The following HSD17B12 variants were observed in gnomAD, a reference collection of about 807,000 sequenced individuals.
HSD17B12 encodes the protein hydroxysteroid 17-beta dehydrogenase 12.
HSD17B12 carries 32 observed loss-of-function variants against 39.3 expected under a neutral mutation model. The observed-to-expected ratio is 0.81, with a 90% confidence interval of 0.61 to 1.09. HSD17B12 has a LOEUF of 1.09. HSD17B12 is among the 50% of genes least tolerant of loss of function. The pLI, the probability that HSD17B12 is intolerant of heterozygous loss-of-function variation, is 0.00. For synonymous variants in HSD17B12, 150 were observed against 146.7 expected (o/e 1.02, Z -0.16); for missense variants, 342 against 382.9 (o/e 0.89, Z 0.89).
At chr11:43,780,217 G>A (rs893782809) in intron 3 of HSD17B12, among the ~76,000 whole-genome samples, 3 of 152,066 alleles carry the variant, frequency 2.0e-5, no homozygotes, top group African/African-American at 7.2e-5. Context: ...CCAGGCTAGA[G>A]TGCAATGGCG....
the HSD17B12 span, among the ~76,000 whole-genome samples, chr11:43,643,816 G>T: frequency 1.3e-5 from 2 of 152,150 alleles, no homozygotes; most frequent in African/African-American, 4.8e-5. Flanking sequence ...TAAATTAATA[G>T]TGTTGAGTAC....
the HSD17B12 span, among the ~76,000 whole-genome samples, chr11:43,651,212 A>G: frequency 1.3e-5 from 2 of 152,232 alleles, no homozygotes; most frequent in Non-Finnish European, 2.9e-5. Flanking sequence ...GAAGAAAGGG[A>G]GAGGATAATG....
chr11:43,689,669 C>G (rs987137799), intron 1 of HSD17B12, among the ~76,000 whole-genome samples: 7 of 152,102 alleles, frequency 4.6e-5, no homozygotes, highest in Admixed American at 1.3e-4. Flanking sequence ...GCCTCAGCCC[C>G]CCAAGTAGCT....
At chr11:43,593,465 A>G in the HSD17B12 span, among the ~76,000 whole-genome samples, 1 of 152,214 alleles carries the variant, frequency 6.6e-6, no homozygotes, top group Admixed American at 6.5e-5. Flanking sequence ...TCTGTGTCTG[A>G]CAATGCTAAA....
At chr11:43,605,846 T>C in the HSD17B12 span, among the ~76,000 whole-genome samples, 10 of 152,320 alleles carry the variant, frequency 6.6e-5, no homozygotes, top group Non-Finnish European at 4.4e-5. Flanking sequence ...CATTCTGAGA[T>C]AAAAAGCGGG....
In HSD17B12 at chr11:43,816,491, A is replaced by T. The variant is rs1951124245; in HGVS notation, c.501+100A>T. On this transcript the variant is annotated intron_variant, in intron 6 of 10. Coordinates refer to ENST00000278353, the MANE Select transcript of HSD17B12 (RefSeq NM_016142.3). ...TTCACCTGAGTCTACTCTTGTTTAG[A>T]TGCAGATACATGTATTCCAGATACA... The T allele has an allele frequency of 5.2e-6, 5 of 958,796 alleles. No homozygotes were observed. The Admixed American group carries it at 2.0e-4, about 38-fold the overall frequency. The allele number at this position is 958,796 out of a possible 1,614,324, so 59.4% of individuals were successfully genotyped here.
At position 43,680,921 on chromosome 11, in the gene HSD17B12, A is replaced by G. The variant is rs1949737129; in HGVS notation, c.94A>G (p.Thr32Ala). Residue 32 changes from threonine (T) to alanine (A), a missense_variant, in exon 1 of 11, where the codon ACG (threonine) becomes GCG (alanine). By Grantham distance (58) the Thr-to-Ala change is moderately conservative. Transcript: ENST00000278353. Reference protein sequence around the residue: ...LALRISYSLFTALRVWGVGNE... With the variant: ...LALRISYSLFAALRVWGVGNE... ...CCTGCGTATTTCGTACTCGCTCTTC[A>G]CGGCCCTCCGGGTCTGGGGAGTGGG... 1 of 1,613,386 alleles carries G rather than the reference A, an allele frequency of 6.2e-7. No homozygotes were observed. Among genetic ancestry groups the G allele is most frequent in the African/African-American group, 1.3e-5 (1 of 74,832 alleles).
intron 1 of HSD17B12, among the ~76,000 whole-genome samples, chr11:43,741,496 A>G (rs1950363991): frequency 6.6e-6 from 1 of 152,104 alleles, no homozygotes; most frequent in South Asian, 2.1e-4. Flanking sequence ...AAAAATGCAA[A>G]GAGTTAAAAT....
intron 3 of HSD17B12, among the ~76,000 whole-genome samples, chr11:43,790,841 A>G (rs1041157195): frequency 1.3e-5 from 2 of 152,038 alleles, no homozygotes; most frequent in Non-Finnish European, 1.5e-5. Flanking sequence ...AAAAAATACA[A>G]AAATTAACAG....
At position 43,796,232 on chromosome 11, in the gene HSD17B12, A is replaced by G. The variant is rs141339766; in HGVS notation, c.284-2088A>G. On this transcript the variant is annotated intron_variant, in intron 3 of 10. Coordinates refer to ENST00000278353, the MANE Select transcript of HSD17B12 (RefSeq NM_016142.3). Reference sequence around the variant, plus strand: ...GAGGGAAATCTCTGGAGGTTTGTGAAGAGGTGGGTATCATGGTCTGACCTA... The same window carrying G: ...GAGGGAAATCTCTGGAGGTTTGTGAGGAGGTGGGTATCATGGTCTGACCTA... Among the ~76,000 whole-genome samples, 16 of 152,242 alleles carry G rather than the reference A, an allele frequency of 1.1e-4. No individual in the cohort carries two copies. The East Asian group carries it at 3.1e-3, about 29-fold the overall frequency.
chr11:43,721,069 G>A (rs1483479587), intron 1 of HSD17B12, among the ~76,000 whole-genome samples: 2 of 151,474 alleles, frequency 1.3e-5, no homozygotes, highest in Admixed American at 1.3e-4. Flanking sequence ...TTATATGTTA[G>A]TTTTTTTTAA....
intron 3 of HSD17B12, among the ~76,000 whole-genome samples, chr11:43,761,737 A>G (rs903408671): frequency 3.3e-5 from 5 of 152,236 alleles, no homozygotes; most frequent in African/African-American, 1.2e-4. Flanking sequence ...CCTCTCTAGC[A>G]TAGCCATATC....
the HSD17B12 span, among the ~76,000 whole-genome samples, chr11:43,601,731 G>A: frequency 1.3e-5 from 2 of 152,146 alleles, no homozygotes; most frequent in African/African-American, 4.8e-5. Context: ...GCCAGAGTCA[G>A]CTTCTTTGAA....
chr11:43,603,914 A>T, the HSD17B12 span, among the ~76,000 whole-genome samples: 1 of 152,156 alleles, frequency 6.6e-6, no homozygotes, highest in African/African-American at 2.4e-5. Context: ...TAAAATGTAG[A>T]TATAATCTGT....
At chr11:43,655,289 C>T in the HSD17B12 span, among the ~76,000 whole-genome samples, 1 of 152,150 alleles carries the variant, frequency 6.6e-6, no homozygotes, top group Non-Finnish European at 1.5e-5. Flanking sequence ...TGCTTATCAG[C>T]TTAAGGAGAT....
chr11:43,720,682 A>G (rs1194646202), intron 1 of HSD17B12, among the ~76,000 whole-genome samples: 1 of 152,240 alleles, frequency 6.6e-6, no homozygotes, highest in Non-Finnish European at 1.5e-5. Flanking sequence ...CACATTGCAA[A>G]AGAGCATGTG....
intron 4 of HSD17B12, among the ~76,000 whole-genome samples, chr11:43,803,535 G>A (rs1402839386): frequency 6.6e-6 from 1 of 152,084 alleles, no homozygotes; most frequent in Non-Finnish European, 1.5e-5. Flanking sequence ...TAAATCACCA[G>A]GGTACACCCC....
chr11:43,601,555 AC>A, the HSD17B12 span, among the ~76,000 whole-genome samples: 1 of 149,416 alleles, frequency 6.7e-6, no homozygotes, highest in Admixed American at 6.7e-5. Flanking sequence ...AGAAGGACTC[AC>A]CTGAGAGCAA....
intron 3 of HSD17B12, among the ~76,000 whole-genome samples, chr11:43,763,827 T>C (rs1565079355): frequency 1.3e-5 from 2 of 152,002 alleles, no homozygotes; most frequent in Admixed American, 6.6e-5. Context: ...CCAAAGATTC[T>C]CTTTATTTCA....
Sources: allele counts gnomAD v4.1 joint callset (sites outside exome capture counted in the v4.1 genomes callset), GRCh38; gene constraint gnomAD v4.1.1; transcripts MANE v1.5; gene names NCBI Gene and HGNC (gene_info 2026-07-23, HGNC 2026-07-21).